RANBP2: variants seen among roughly 807,000 people sequenced by gnomAD.
The protein encoded by RANBP2 is E3 SUMO-protein ligase RanBP2.
Under a neutral mutation model 303.6 loss-of-function variants are expected in RANBP2, and 57 were observed. The observed-to-expected ratio is 0.19, with a 90% confidence interval of 0.15 to 0.23. RANBP2 has a LOEUF of 0.23. Ranked by LOEUF, RANBP2 falls within the 10% of genes least tolerant of loss-of-function variation. RANBP2 has a pLI of 1.00. For synonymous variants in RANBP2, 1,167 were observed against 1,301.5 expected, an observed-to-expected ratio of 0.90 and a Z score of 2.23; for missense variants, 3,138 against 3,780.8, an observed-to-expected ratio of 0.83 and a Z score of 4.46.
chr2:109,540,374 T>A, the RANBP2 span, among the ~76,000 whole-genome samples: 1 of 152,162 alleles, frequency 6.6e-6, no homozygotes. Flanking sequence ...TCTCACTAAG[T>A]GTGGATCTGT....
chr2:109,352,589 G>T, the RANBP2 span, among the ~76,000 whole-genome samples: 1 of 152,258 alleles, frequency 6.6e-6, no homozygotes, highest in Non-Finnish European at 1.5e-5. Context: ...AGATAAGCTT[G>T]TGCGGAGCTC....
At chr2:109,077,859 G>A in the RANBP2 span, among the ~76,000 whole-genome samples, 14 of 149,012 alleles carry the variant, frequency 9.4e-5, 1 homozygote, top group Non-Finnish European at 1.5e-5. Context: ...ACTGTTCATG[G>A]GAATGCAAAT....
chr2:109,487,774 G>A, the RANBP2 span, among the ~76,000 whole-genome samples: 2 of 152,150 alleles, frequency 1.3e-5, no homozygotes, highest in East Asian at 3.9e-4. Context: ...CTACTCAGGG[G>A]CCAGAAGGGC....
chr2:109,311,494 G>A, the RANBP2 span, among the ~76,000 whole-genome samples: 43,893 of 147,130 alleles, frequency 0.3, 7,745 homozygotes, highest in African/African-American at 0.53. Context: ...TCTGGCCAGG[G>A]CAATTAGTCA....
the RANBP2 span, among the ~76,000 whole-genome samples, chr2:109,485,854 G>A: frequency 2.6e-5 from 4 of 152,200 alleles, no homozygotes; most frequent in Non-Finnish European, 5.9e-5. Context: ...AGCCAGGGCT[G>A]CAGCACAGCC....
the RANBP2 span, among the ~76,000 whole-genome samples, chr2:108,984,690 GTT>G: frequency 1.3e-5 from 2 of 150,594 alleles, no homozygotes; most frequent in Non-Finnish European, 3.0e-5. Flanking sequence ...TAGTTTGTTT[GTT>G]TTTTTTTCAT....
chr2:109,321,584 G>A, the RANBP2 span, among the ~76,000 whole-genome samples: 1 of 152,218 alleles, frequency 6.6e-6, no homozygotes, highest in South Asian at 2.1e-4. Flanking sequence ...CAGGAGATGA[G>A]ACAATCAATA....
the RANBP2 span, among the ~76,000 whole-genome samples, chr2:109,698,179 T>A: frequency 1.3e-5 from 2 of 152,098 alleles, no homozygotes; most frequent in African/African-American, 4.8e-5. Flanking sequence ...TTAGATCTAT[T>A]GCTGTGTCTA....
chr2:108,910,875 A>G, the RANBP2 span: 2 of 1,614,084 alleles, frequency 1.2e-6, no homozygotes, highest in South Asian at 1.1e-5. Flanking sequence ...GGGAGTGAGC[A>G]GCCAGGCTCT....
In RANBP2 at chr2:108,766,262, A is replaced by G. The variant is rs765002646; in HGVS notation, c.5723A>G (p.Gln1908Arg). The G allele has an allele frequency of 1.9e-6, 3 of 1,612,184 alleles. No individual in the cohort carries two copies. In the Admixed American group the frequency reaches 5.0e-5, roughly 27 times the overall value. ...TTTGGCATTTCGGAACCAGGAAATCAAGAAAAGAAAAGTGAAAAGCCTCTT... is the reference window on the plus strand; with the variant it reads ...TTTGGCATTTCGGAACCAGGAAATCGAGAAAAGAAAAGTGAAAAGCCTCTT... Reference protein sequence around the residue: ...FKFGISEPGNQEKKSEKPLEN... With the variant: ...FKFGISEPGNREKKSEKPLEN... The change falls in exon 20 of 29, where the codon CAA (glutamine) becomes CGA (arginine). Residue 1908 changes from glutamine (Q) to arginine (R), a missense_variant. Transcript: ENST00000283195.
At chr2:109,348,758 C>T in the RANBP2 span, among the ~76,000 whole-genome samples, 2 of 152,144 alleles carry the variant, frequency 1.3e-5, no homozygotes, top group African/African-American at 2.4e-5. Flanking sequence ...TCCCCTTCCT[C>T]CTTTCCATCT....
At chr2:109,134,653 C>A in the RANBP2 span, among the ~76,000 whole-genome samples, 5 of 152,046 alleles carry the variant, frequency 3.3e-5, no homozygotes, top group Non-Finnish European at 4.4e-5. Context: ...CCTTGCTGAG[C>A]GGCACACAGT....
At chr2:109,565,127 G>C in the RANBP2 span, among the ~76,000 whole-genome samples, 2,518 of 151,976 alleles carry the variant, frequency 0.017, 83 homozygotes, top group African/African-American at 0.056. Context: ...ATACTCTTAA[G>C]TATAATTATT....
At chr2:108,841,190 T>C in the RANBP2 span, among the ~76,000 whole-genome samples, 1 of 152,120 alleles carries the variant, frequency 6.6e-6, no homozygotes, top group African/African-American at 2.4e-5. Context: ...GTTTTTCTAG[T>C]TTAGTTGTAT....
At chr2:109,300,011 C>T in the RANBP2 span, among the ~76,000 whole-genome samples, 1 of 152,268 alleles carries the variant, frequency 6.6e-6, no homozygotes, top group East Asian at 1.9e-4. Flanking sequence ...AATTTGGAAA[C>T]TGGAAGGCAC....
chr2:108,798,349 C>T, the RANBP2 span: 1 of 1,503,750 alleles, frequency 6.7e-7, no homozygotes, highest in Non-Finnish European at 9.0e-7. Flanking sequence ...TTGGTTAAAC[C>T]ACAGTGTCAG....
chr2:109,157,756 C>G, the RANBP2 span, among the ~76,000 whole-genome samples: 1 of 152,158 alleles, frequency 6.6e-6, no homozygotes, highest in Non-Finnish European at 1.5e-5. Flanking sequence ...TTGATGTCAT[C>G]AACAGGGACT....
chr2:108,896,960 G>A, the RANBP2 span: 25 of 1,613,670 alleles, frequency 1.5e-5, no homozygotes, highest in Non-Finnish European at 1.9e-5. Context: ...GCCCACTCCA[G>A]TATGTCTGCA....
chr2:108,831,551 G>T, the RANBP2 span, among the ~76,000 whole-genome samples: 1 of 152,178 alleles, frequency 6.6e-6, no homozygotes, highest in Non-Finnish European at 1.5e-5. Flanking sequence ...GACAGTGTTT[G>T]CTGTGAAGAA....
Sources: allele counts gnomAD v4.1 joint callset (sites outside exome capture counted in the v4.1 genomes callset), GRCh38; gene constraint gnomAD v4.1.1; transcripts MANE v1.5; gene names NCBI Gene and HGNC (gene_info 2026-07-23, HGNC 2026-07-21).